TRMT11: variants seen among roughly 807,000 people sequenced by gnomAD.
The protein encoded by TRMT11 is tRNA (guanine(10)-N(2))-methyltransferase TRMT11.
Under a neutral mutation model 62.8 loss-of-function variants are expected in TRMT11, and 53 were observed. The ratio of observed to expected loss-of-function variants is 0.84; its 90% CI spans 0.68 to 1.06. The LOEUF (loss-of-function observed/expected upper bound fraction) is 1.06. TRMT11 is among the 50% of genes least tolerant of loss of function. The probability of loss-of-function intolerance (pLI) is 0.00; values close to 1 mark genes in which losing one functional copy is unlikely to be tolerated. For missense variants in TRMT11, 556 were observed against 553.4 expected (o/e 1.00, Z -0.05); for synonymous variants, 188 against 190.3 (o/e 0.99, Z 0.10).
the TRMT11 span, among the ~76,000 whole-genome samples, chr6:126,244,136 C>T: frequency 2.7e-4 from 41 of 151,478 alleles, no homozygotes; most frequent in African/African-American, 9.7e-4. Flanking sequence ...CTAAGCATCT[C>T]GTCTCTCTCC....
chr6:126,003,579 G>A (rs1792863656), intron 7 of TRMT11, among the ~76,000 whole-genome samples: 2 of 151,934 alleles, frequency 1.3e-5, no homozygotes, highest in Admixed American at 1.3e-4. Flanking sequence ...TGTTCTGTTG[G>A]GTGAAAAATG....
chr6:126,012,933 T>G (rs747820199), intron 10 of TRMT11, 37 bp from the exon 11 acceptor site: 9 of 1,607,734 alleles, frequency 5.6e-6, no homozygotes, highest in Non-Finnish European at 7.7e-6. Context: ...CTCTTAAAAT[T>G]TTTCACTGAT....
intron 17 of TRMT11, among the ~76,000 whole-genome samples, chr6:126,076,617 A>C (rs1242220119): frequency 6.6e-6 from 1 of 152,006 alleles, no homozygotes; most frequent in Non-Finnish European, 1.5e-5. Flanking sequence ...CCATCCTTTC[A>C]CTCCTTTGTC....
the TRMT11 span, among the ~76,000 whole-genome samples, chr6:126,216,069 T>C: frequency 6.6e-6 from 1 of 152,128 alleles, no homozygotes; most frequent in Non-Finnish European, 1.5e-5. Context: ...CTTACCATAA[T>C]ATTAACAGTG....
chr6:126,160,533 A>T (rs1183441135), intron 21 of TRMT11, among the ~76,000 whole-genome samples: 1 of 152,128 alleles, frequency 6.6e-6, no homozygotes, highest in Non-Finnish European at 1.5e-5. Context: ...CAATAGGAAG[A>T]CTTCATGCTG....
intron 12 of TRMT11, among the ~76,000 whole-genome samples, chr6:126,022,863 A>G (rs1796032347): frequency 1.3e-5 from 2 of 152,356 alleles, no homozygotes; most frequent in South Asian, 4.1e-4. Context: ...ATGAAAATGT[A>G]TGGCAGTCAT....
At chr6:126,163,093 A>T (rs1778214884) in intron 21 of TRMT11, among the ~76,000 whole-genome samples, 1 of 152,134 alleles carries the variant, frequency 6.6e-6, no homozygotes, top group Non-Finnish European at 1.5e-5. Context: ...TTCCAATACT[A>T]GGTTGAGTAG....
At chr6:126,235,173 G>A in the TRMT11 span, among the ~76,000 whole-genome samples, 6 of 152,126 alleles carry the variant, frequency 3.9e-5, no homozygotes, top group African/African-American at 1.2e-4. Context: ...ACACTAGTCA[G>A]AATGGCTATT....
intron 17 of TRMT11, among the ~76,000 whole-genome samples, chr6:126,091,559 C>G (rs1583872319): frequency 6.6e-6 from 1 of 152,120 alleles, no homozygotes; most frequent in African/African-American, 2.4e-5. Flanking sequence ...GCGAATCACT[C>G]TTTGCTCTCT....
At chr6:126,212,279 A>G in the TRMT11 span, among the ~76,000 whole-genome samples, 5 of 152,134 alleles carry the variant, frequency 3.3e-5, no homozygotes, top group Admixed American at 6.5e-5. Flanking sequence ...TCTTTTGGGT[A>G]TATACCTAGC....
downstream of TRMT11, among the ~76,000 whole-genome samples, chr6:126,043,003 G>A (rs1206794849): frequency 1.3e-5 from 2 of 152,002 alleles, no homozygotes; most frequent in African/African-American, 4.8e-5. Flanking sequence ...TCTGCACAAA[G>A]AGCCAAATTG....
upstream of TRMT11, among the ~76,000 whole-genome samples, chr6:126,172,371 G>A (rs73771403): frequency 0.019 from 2,938 of 152,138 alleles, 88 homozygotes; most frequent in African/African-American, 0.064. Context: ...CTAATCCTGT[G>A]GGCCATCTGT....
intron 17 of TRMT11, among the ~76,000 whole-genome samples, chr6:126,083,087 A>G (rs1777176370): frequency 6.6e-6 from 1 of 152,230 alleles, no homozygotes; most frequent in African/African-American, 2.4e-5. Context: ...AGACATAAAA[A>G]TGGCTAATGG....
chr6:126,216,143 C>T, the TRMT11 span, among the ~76,000 whole-genome samples: 19 of 152,010 alleles, frequency 1.2e-4, no homozygotes, highest in African/African-American at 4.1e-4. Flanking sequence ...GATTGAAAAA[C>T]TTCCTTTAGC....
intron 16 of TRMT11, among the ~76,000 whole-genome samples, chr6:126,050,078 C>G (rs1377333158): frequency 1.3e-5 from 2 of 152,100 alleles, no homozygotes; most frequent in Non-Finnish European, 2.9e-5. Context: ...CCTGTAATCC[C>G]AGCACTTTGG....
the TRMT11 span, among the ~76,000 whole-genome samples, chr6:126,258,584 A>AT: frequency 2.0e-5 from 3 of 152,126 alleles, no homozygotes; most frequent in Admixed American, 6.5e-5. Flanking sequence ...CAGATTTTCT[A>AT]TTTTTTTGAT....
At chr6:126,236,959 C>T in the TRMT11 span, among the ~76,000 whole-genome samples, 3 of 152,146 alleles carry the variant, frequency 2.0e-5, no homozygotes, top group African/African-American at 4.8e-5. Context: ...TTCTGCATCA[C>T]TCACAGGAAA....
At chr6:126,111,241 C>T (rs146745872) in intron 17 of TRMT11, among the ~76,000 whole-genome samples, 1,795 of 152,162 alleles carry the variant, frequency 0.012, 19 homozygotes, top group Non-Finnish European at 0.017. Flanking sequence ...GTGGAAGTCT[C>T]ACTCTACCAC....
intron 1 of TRMT11, among the ~76,000 whole-genome samples, chr6:126,184,593 T>C (rs1778505504): frequency 6.6e-6 from 1 of 152,202 alleles, no homozygotes; most frequent in Non-Finnish European, 1.5e-5. Context: ...TTTCCCTTGA[T>C]GGCAATAACT....
Sources: allele counts gnomAD v4.1 joint callset (sites outside exome capture counted in the v4.1 genomes callset), GRCh38; gene constraint gnomAD v4.1.1; transcripts MANE v1.5; gene names NCBI Gene and HGNC (gene_info 2026-07-23, HGNC 2026-07-21).